The following GAN variants were observed in gnomAD, a reference collection of about 807,000 sequenced individuals.
GAN encodes epididymis secretory sperm binding protein.
A neutral mutation model predicts 71.3 loss-of-function variants in GAN; 48 were observed. The observed-to-expected ratio is 0.67, with a 90% CI of 0.53 to 0.86. The LOEUF (loss-of-function observed/expected upper bound fraction) is 0.86, where lower values mean the gene tolerates loss of function less well. GAN is among the 40% of genes least tolerant of loss of function. The probability of loss-of-function intolerance (pLI) is 0.00; values close to 1 mark genes in which losing one functional copy is unlikely to be tolerated. For synonymous variants in GAN, 386 were observed against 276.8 expected (o/e 1.39, Z -3.92); for missense variants, 928 against 770.1 (o/e 1.21, Z -2.43).
intron 1 of GAN, among the ~76,000 whole-genome samples, chr16:81,337,518 A>T (rs557702003): frequency 6.6e-6 from 1 of 152,358 alleles, no homozygotes; most frequent in African/African-American, 2.4e-5. Flanking sequence ...GACGATGACC[A>T]GGCCTATTAC....
intron 1 of GAN, among the ~76,000 whole-genome samples, chr16:81,350,793 A>G (rs746768387): frequency 1.3e-5 from 2 of 152,328 alleles, no homozygotes; most frequent in South Asian, 2.1e-4. Flanking sequence ...TGTTGGGATT[A>G]CAGGCGTGAG....
At position 81,377,441 on chromosome 16, in the gene GAN, T is replaced by C. The variant is rs1315526056; in HGVS notation, c.1639T>C (p.Phe547Leu). The C allele has an allele frequency of 1.2e-6, 2 of 1,613,918 alleles. No individual in the cohort carries two copies. The highest frequency in any genetic ancestry group is 1.7e-6 in the Non-Finnish European group (2 of 1,179,962). Residue 547 changes from phenylalanine to leucine, a missense_variant, in exon 11 of 11, where the codon TTT becomes CTT. By Grantham distance (22) the Phe-to-Leu change is conservative (BLOSUM62 0). Transcript: ENST00000648994. ...TACCAATTACGACTACGTGCGTGAG[T>C]TTAAAAGAAGCACAGGAACCTGGCA... ...TGTNYDYVRE[F>L]KRSTGTWHHT... is the part of the protein sequence containing the mutation.
intron 1 of GAN, among the ~76,000 whole-genome samples, chr16:81,321,288 T>C (rs1333851225): frequency 6.6e-6 from 1 of 152,140 alleles, no homozygotes; most frequent in Non-Finnish European, 1.5e-5. Context: ...TTCCCGAGGA[T>C]TGTTATTATG....
intron 9 of GAN, among the ~76,000 whole-genome samples, chr16:81,370,755 C>T (rs762274534): frequency 5.3e-5 from 8 of 152,276 alleles, no homozygotes; most frequent in Non-Finnish European, 1.0e-4. Flanking sequence ...AAAAGACCAG[C>T]TTCTACACTG....
chr16:81,364,477 G>A (rs965611772), intron 7 of GAN, among the ~76,000 whole-genome samples: 7 of 152,056 alleles, frequency 4.6e-5, no homozygotes, highest in South Asian at 2.1e-4. Context: ...ATGTTGCCCC[G>A]GCTGGTCTTG....
intron 1 of GAN, among the ~76,000 whole-genome samples, chr16:81,349,225 A>G (rs1049324261): frequency 5.9e-5 from 9 of 151,454 alleles, no homozygotes; most frequent in Non-Finnish European, 1.2e-4. Flanking sequence ...ACCCTGTACT[A>G]CCAGTTCCCG....
intron 3 of GAN, 67 bp from the exon 4 acceptor site, chr16:81,356,718 T>C: frequency 3.6e-6 from 4 of 1,097,698 alleles, no homozygotes; most frequent in East Asian, 4.7e-5. Context: ...GTGGAAAATG[T>C]AGATTCTAAA....
intron 1 of GAN, among the ~76,000 whole-genome samples, chr16:81,335,463 A>T (rs941225130): frequency 6.6e-6 from 1 of 152,106 alleles, no homozygotes; most frequent in Non-Finnish European, 1.5e-5. Context: ...CTAAAAATAC[A>T]TGGCCGGGCA....
chr16:81,331,968 G>T (rs1001578989), intron 1 of GAN, among the ~76,000 whole-genome samples: 1 of 151,978 alleles, frequency 6.6e-6, no homozygotes, highest in South Asian at 2.1e-4. Flanking sequence ...TTTGAGACCA[G>T]CCTGACCAAT....
Position 81,369,869 on chromosome 16 carries a change from C to T in GAN, c.1502+4391C>T, listed in dbSNP as rs115835903. ...ACAGGCATGAGCCACCGCGCCCAGC[C>T]GATGTTTTGCTTTTTTAATGCACAC... On this transcript the variant is annotated intron_variant, in intron 9 of 10. Coordinates refer to ENST00000648994, the MANE Select transcript of GAN (RefSeq NM_022041.4). 3.7e-3 allele frequency among the ~76,000 whole-genome samples: 571 copies of T among 152,268 alleles called. 4 individuals carry two copies. Among genetic ancestry groups the T allele is most frequent in the African/African-American group, 0.013 (538 of 41,550 alleles).
chr16:81,337,994 A>T (rs1335538339), intron 1 of GAN, among the ~76,000 whole-genome samples: 1 of 152,212 alleles, frequency 6.6e-6, no homozygotes, highest in Non-Finnish European at 1.5e-5. Flanking sequence ...AGCTGGTTTC[A>T]GCAGCTCAGT....
rs574018582 is a variant in GAN, at chr16:81,370,364, T to A, written c.1502+4886T>A. 3.3e-5 allele frequency among the ~76,000 whole-genome samples: 5 copies of A among 152,266 alleles called. No homozygotes were observed. The East Asian group carries it at 9.6e-4, about 29-fold the overall frequency. On this transcript the variant is annotated intron_variant, in intron 9 of 10. Coordinates refer to ENST00000648994, the MANE Select transcript of GAN (RefSeq NM_022041.4). ...CACATCTGTTTCAGTCATGGTCCAG[T>A]CAAGTGGCAAAAACCACACCAGTCT...
chr16:81,379,404 T>C lies in GAN; in HGVS notation c.*1808T>C, dbSNP rs573768083. The C allele has an allele frequency of 5.3e-4, 80 of 152,332 alleles. No individual in the cohort carries two copies. Among genetic ancestry groups the C allele is most frequent in the African/African-American group, 1.9e-3 (80 of 41,580 alleles). 9.4% of individuals were successfully genotyped at this position (152,332 alleles called of 1,614,324 possible). ...AAGAGAAGGTGTAAGGTTTTTATCT[T>C]ATATGCCAGAGGCACCAGGCCAGAT... On this transcript the variant is annotated 3_prime_UTR_variant, in exon 11 of 11. Transcript: ENST00000648994.
rs1408394487 is a variant in GAN, at chr16:81,363,888, A to G, written c.1181A>G (p.Tyr394Cys). ...GEKELISMEC[Y>C]DIYSKTWTKQ... ...AAGGAGCTGATTTCCATGGAGTGTT[A>G]CGATATTTATTCTAAAACCTGGACA... Residue 394 changes from tyrosine (Y) to cysteine (C), a missense_variant, in exon 7 of 11, where the codon TAC (tyrosine) becomes TGC (cysteine). Transcript: ENST00000648994. 5 of 1,612,838 alleles carry G rather than the reference A, an allele frequency of 3.1e-6. No homozygotes were observed. In the South Asian group the frequency reaches 5.5e-5, roughly 18 times the overall value.
rs758645846 is a variant in GAN at position 81,381,128 on chromosome 16, AAG to A, written c.*3537_*3538del. ...ATACATTCTTTGTACAAACGTGGTA[AAG>A]AGAGGACTGGCTTTGCTATGGCACC... On this transcript the variant is annotated 3_prime_UTR_variant, in exon 11 of 11. Transcript: ENST00000648994. The A allele has an allele frequency of 1.2e-4, 18 of 152,190 alleles. No individual in the cohort carries two copies. Among genetic ancestry groups the A allele is most frequent in the Non-Finnish European group, 2.6e-4 (18 of 68,026 alleles). The allele number at this position is 152,190 out of a possible 1,614,324, so 9.4% of individuals were successfully genotyped here. A position where few individuals can be genotyped will look rare whatever the true frequency, so the allele number is the denominator to read the frequency against.
intron 1 of GAN, among the ~76,000 whole-genome samples, chr16:81,345,029 T>G (rs1396107801): frequency 2.6e-5 from 4 of 152,044 alleles, no homozygotes; most frequent in Admixed American, 2.0e-4. Context: ...ATTAGAGAAA[T>G]GCAAATCAAA....
At position 81,362,515 on chromosome 16, in the gene GAN, A is replaced by G. The variant is rs1261401081; in HGVS notation, c.990A>G (p.Val330=). Residue 330 remains valine (V), a synonymous_variant, in exon 6 of 11, where the codon GTA becomes GTG. Coordinates refer to ENST00000648994, the MANE Select transcript of GAN (RefSeq NM_022041.4). ...GVLSAEGFLF[V]FGGQDENKQT... The stretch of plus-strand genomic sequence containing the variant: ...TCTTTGCAGAAGGATTTTTGTTTGT[A>G]TTCGGGGGCCAAGATGAAAATAAGC... The G allele has an allele frequency of 2.5e-6, 4 of 1,601,080 alleles. No homozygotes were observed. Among genetic ancestry groups the G allele is most frequent in the Non-Finnish European group, 3.4e-6 (4 of 1,168,068 alleles).
intron 2 of GAN, among the ~76,000 whole-genome samples, chr16:81,353,079 C>T (rs975767612): frequency 4.6e-5 from 7 of 152,116 alleles, no homozygotes; most frequent in African/African-American, 1.7e-4. Context: ...ATCACGAGGT[C>T]AGGAGATCGA....
intron 9 of GAN, among the ~76,000 whole-genome samples, chr16:81,374,267 G>A (rs1001895897): frequency 5.9e-5 from 9 of 152,186 alleles, no homozygotes; most frequent in South Asian, 2.1e-4. Context: ...TAACCTTGAT[G>A]ACTTGGTTAA....
Sources: gnomAD v4.1 joint callset for allele counts (sites outside exome capture counted in the v4.1 genomes callset) on GRCh38, gnomAD v4.1.1 for gene constraint, MANE v1.5 for transcripts, NCBI Gene and HGNC (gene_info 2026-07-23, HGNC 2026-07-21) for gene names.